Variants in SCFD1 observed in about 807,000 individuals in gnomAD.
SCFD1 encodes sec1 family domain-containing protein 1.
SCFD1 carries 37 observed loss-of-function variants against 103.2 expected under a neutral mutation model. That is an observed-to-expected ratio of 0.36 (90% CI 0.28 to 0.47). The LOEUF (loss-of-function observed/expected upper bound fraction) is 0.47, where lower values mean the gene tolerates loss of function less well. Ranked by LOEUF, SCFD1 falls within the 20% of genes least tolerant of loss-of-function variation. The probability of loss-of-function intolerance (pLI) is 1.00; values close to 1 mark genes in which losing one functional copy is unlikely to be tolerated. For missense variants in SCFD1, 639 were observed against 761.2 expected, an observed-to-expected ratio of 0.84 and a Z score of 1.89; for synonymous variants, 264 against 245.0, an observed-to-expected ratio of 1.08 and a Z score of -0.73.
intron 24 of SCFD1, 32 bp downstream of exon 24, chr14:30,734,890 A>G: frequency 6.7e-7 from 1 of 1,498,588 alleles, no homozygotes; most frequent in Non-Finnish European, 9.3e-7. Flanking sequence ...TGTTTCTGTT[A>G]ACATACCCCT....
At chr14:30,683,403 C>G (rs1889653933) in intron 14 of SCFD1, 1 of 533,690 alleles carries the variant, frequency 1.9e-6, no homozygotes, top group Non-Finnish European at 3.6e-6. Context: ...GGCAGCTGCT[C>G]CATGGATGGC....
At chr14:30,721,810 G>A (rs1305416179) in intron 21 of SCFD1, 74 bp from the exon 22 acceptor site, 3 of 1,194,036 alleles carry the variant, frequency 2.5e-6, no homozygotes, top group Non-Finnish European at 3.7e-6. Context: ...GCATGTGTGT[G>A]TATTTCCCAT....
chr14:30,733,989 T>C (rs537110497), intron 23 of SCFD1, among the ~76,000 whole-genome samples: 49 of 152,304 alleles, frequency 3.2e-4, no homozygotes, highest in Non-Finnish European at 5.6e-4. Context: ...ATGACCCATA[T>C]ACCATCTCAT....
At chr14:30,671,950 G>A (rs1489642490) in intron 11 of SCFD1, among the ~76,000 whole-genome samples, 1 of 150,948 alleles carries the variant, frequency 6.6e-6, no homozygotes, top group African/African-American at 2.4e-5. Flanking sequence ...ATTAAATGAG[G>A]TTGCAGTGAG....
chr14:30,717,278 C>A (rs117291084), intron 20 of SCFD1, among the ~76,000 whole-genome samples: 1 of 152,112 alleles, frequency 6.6e-6, no homozygotes, highest in Non-Finnish European at 1.5e-5. Context: ...GAGTTTGAGA[C>A]CAGCCTAGGC....
chr14:30,641,863 G>A (rs577876940), intron 6 of SCFD1, among the ~76,000 whole-genome samples: 100 of 152,138 alleles, frequency 6.6e-4, no homozygotes, highest in African/African-American at 2.2e-3. Context: ...TCACTTTCAG[G>A]ATATTGGGAC....
intron 14 of SCFD1, 57 bp downstream of exon 14, chr14:30,675,122 C>A: frequency 1.1e-6 from 1 of 904,546 alleles, no homozygotes; most frequent in Non-Finnish European, 1.7e-6. Flanking sequence ...GGGTTTTATA[C>A]TTTGTAAGAT....
At chr14:30,675,114 G>GTT (rs771268695) in intron 14 of SCFD1, 49 bp downstream of exon 14, 1 of 992,788 alleles carries the variant, frequency 1.0e-6, no homozygotes, top group Non-Finnish European at 1.5e-6. Context: ...TTTACATAGG[G>GTT]TTTTATACTT....
intron 10 of SCFD1, among the ~76,000 whole-genome samples, chr14:30,654,956 G>A (rs1361315908): frequency 6.6e-6 from 1 of 152,174 alleles, no homozygotes; most frequent in African/African-American, 2.4e-5. Context: ...TAAGAGGTGG[G>A]AGAGGAGGAA....
Position 30,715,973 on chromosome 14 carries a change from AC to A in SCFD1, c.1683del (p.Glu562LysfsTer50). On this transcript the variant is annotated frameshift_variant, in exon 20 of 25. Coordinates refer to ENST00000458591, the MANE Select transcript of SCFD1 (RefSeq NM_016106.4). LOFTEE classifies it high-confidence loss of function. ...ILDNLMEMKS[N>X]PETDDYRYFD... ...GACAATCTTATGGAGATGAAGTCAA[AC>A]CCCGTGAGTACCATATAACATATTT... is the stretch of plus-strand genomic sequence containing the variant. The A allele has an allele frequency of 2.6e-6, 4 of 1,531,128 alleles. No homozygotes were observed. Among genetic ancestry groups the A allele is most frequent in the Non-Finnish European group, 3.6e-6 (4 of 1,113,276 alleles). The allele number at this position is 1,531,128 out of a possible 1,614,324, so 94.8% of individuals were successfully genotyped here.
intron 14 of SCFD1, among the ~76,000 whole-genome samples, chr14:30,691,035 C>T (rs868678147): frequency 6.6e-6 from 1 of 152,198 alleles, no homozygotes; most frequent in South Asian, 2.1e-4. Flanking sequence ...TGTTTTCTCT[C>T]ATTTCAAGAA....
intron 10 of SCFD1, among the ~76,000 whole-genome samples, chr14:30,664,856 A>G (rs1887791342): frequency 6.6e-6 from 1 of 152,234 alleles, no homozygotes; most frequent in Non-Finnish European, 1.5e-5. Flanking sequence ...AAAAAGAGTA[A>G]AAAGAAATGA....
At chr14:30,631,263 G>A (rs1049871324) in intron 3 of SCFD1, among the ~76,000 whole-genome samples, 4 of 152,192 alleles carry the variant, frequency 2.6e-5, no homozygotes, top group Admixed American at 2.6e-4. Flanking sequence ...TGAGGCAGGA[G>A]AATCACTTGA....
intron 7 of SCFD1, among the ~76,000 whole-genome samples, chr14:30,647,380 T>C (rs913800367): frequency 3.3e-5 from 5 of 152,072 alleles, no homozygotes; most frequent in Admixed American, 2.6e-4. Flanking sequence ...TCCCTTAATT[T>C]CCAGCCCTGA....
chr14:30,645,588 A>G (rs10129681), intron 7 of SCFD1, among the ~76,000 whole-genome samples: 7,549 of 152,080 alleles, frequency 0.05, 617 homozygotes, highest in African/African-American at 0.17. Flanking sequence ...TTTTGTGGCT[A>G]TTGTGAATGG....
At chr14:30,722,036 G>A in intron 22 of SCFD1, 119 bp downstream of exon 22, 1 of 654,220 alleles carries the variant, frequency 1.5e-6, no homozygotes, top group Non-Finnish European at 2.6e-6. Flanking sequence ...ATTTGGCCTA[G>A]CAATTATATT....
intron 15 of SCFD1, among the ~76,000 whole-genome samples, chr14:30,695,336 A>AT (rs1190441147): frequency 6.6e-6 from 1 of 152,158 alleles, no homozygotes; most frequent in Non-Finnish European, 1.5e-5. Flanking sequence ...TGTATGTTAG[A>AT]TTTTCTTAAA....
intron 10 of SCFD1, among the ~76,000 whole-genome samples, chr14:30,666,869 G>A (rs1002230788): frequency 6.6e-5 from 10 of 152,126 alleles, no homozygotes; most frequent in African/African-American, 2.2e-4. Flanking sequence ...TTGAATTGCT[G>A]AATAGACCAA....
At chr14:30,675,403 A>G (rs985684654) in intron 14 of SCFD1, 15 of 169,314 alleles carry the variant, frequency 8.9e-5, no homozygotes, top group Non-Finnish European at 1.6e-4. Context: ...AATCTCTTTT[A>G]CCAGAGTTCT....
Sources: gnomAD v4.1 joint callset for allele counts (sites outside exome capture counted in the v4.1 genomes callset) on GRCh38, gnomAD v4.1.1 for gene constraint, MANE v1.5 for transcripts, NCBI Gene and HGNC (gene_info 2026-07-23, HGNC 2026-07-21) for gene names.